ACBD3: variants seen among roughly 807,000 people sequenced by gnomAD.
The protein encoded by ACBD3 is Golgi resident protein GCP60.
In ACBD3, 30 loss-of-function variants were observed where a neutral mutation model predicts 66.9. The observed-to-expected ratio is 0.45, with a 90% CI of 0.34 to 0.61. The LOEUF (loss-of-function observed/expected upper bound fraction) is 0.61. ACBD3 is among the 20% of genes least tolerant of loss of function. The pLI, the probability that ACBD3 is intolerant of heterozygous loss-of-function variation, is 0.02. For missense variants in ACBD3, 544 were observed against 664.5 expected (o/e 0.82, Z 1.99); for synonymous variants, 278 against 259.8 (o/e 1.07, Z -0.68).
chr1:226,150,899 G>A (rs776280416), intron 7 of ACBD3, among the ~76,000 whole-genome samples: 10 of 152,202 alleles, frequency 6.6e-5, no homozygotes, highest in Non-Finnish European at 1.3e-4. Flanking sequence ...TCTGCAAGAT[G>A]TACTGAAATT....
At chr1:226,155,980 G>T (rs1273637605) in intron 5 of ACBD3, among the ~76,000 whole-genome samples, 4 of 152,208 alleles carry the variant, frequency 2.6e-5, no homozygotes, top group Non-Finnish European at 5.9e-5. Context: ...AATATGGACA[G>T]ATACTACTTC....
chr1:226,146,923 G>GA, intron 7 of ACBD3, 102 bp from the exon 8 acceptor site: 2 of 1,146,476 alleles, frequency 1.7e-6, no homozygotes, highest in South Asian at 1.4e-5. Context: ...ACAGAGTCTT[G>GA]CTCTGTCACC....
At chr1:226,153,671 G>A (rs1196172774) in intron 6 of ACBD3, among the ~76,000 whole-genome samples, 1 of 152,202 alleles carries the variant, frequency 6.6e-6, no homozygotes, top group African/African-American at 2.4e-5. Flanking sequence ...ACTAATTGCT[G>A]AATGAACAAA....
At chr1:226,146,921 T>C in intron 7 of ACBD3, 100 bp from the exon 8 acceptor site, 1 of 1,165,728 alleles carries the variant, frequency 8.6e-7, no homozygotes. Flanking sequence ...AGACAGAGTC[T>C]TGCTCTGTCA....
intron 6 of ACBD3, 79 bp from the exon 7 acceptor site, chr1:226,152,698 G>T: frequency 7.2e-7 from 1 of 1,390,790 alleles, no homozygotes; most frequent in Non-Finnish European, 9.8e-7. Context: ...AGCACTACCT[G>T]ATCAGTTGTA....
At chr1:226,168,582 C>A (rs1659917527) in intron 1 of ACBD3, among the ~76,000 whole-genome samples, 1 of 152,148 alleles carries the variant, frequency 6.6e-6, no homozygotes, top group Admixed American at 6.5e-5. Flanking sequence ...TGAGTGTAGT[C>A]CCATAAGATT....
At chr1:226,152,934 G>C (rs916318605) in intron 6 of ACBD3, among the ~76,000 whole-genome samples, 1 of 152,226 alleles carries the variant, frequency 6.6e-6, no homozygotes, top group Admixed American at 6.5e-5. Context: ...GGCCCCAGCT[G>C]GAGTGAGGGA....
intron 1 of ACBD3, among the ~76,000 whole-genome samples, chr1:226,185,536 A>G (rs1485970589): frequency 6.6e-6 from 1 of 152,060 alleles, no homozygotes; most frequent in Non-Finnish European, 1.5e-5. Flanking sequence ...TAAGAATCAA[A>G]CTAACGGGCT....
chr1:226,146,786 C>A lies in ACBD3; in HGVS notation c.1411G>T (p.Ala471Ser). 1 of 1,614,130 alleles carries A rather than the reference C, an allele frequency of 6.2e-7. No homozygotes were observed. The highest frequency in any genetic ancestry group is 8.5e-7 in the Non-Finnish European group (1 of 1,180,034). Reference protein sequence around the residue: ...IGCEEKAKKNANKPLLDEIVP... With the variant: ...IGCEEKAKKNSNKPLLDEIVP... The stretch of plus-strand genomic sequence containing the variant: ...ATCTCATCCAGCAAAGGCTTGTTGG[C>A]ATTCTTTTTGGCTTTCTCTTCACAA... The change falls in exon 8 of 8, where the codon GCC becomes TCC. Residue 471 changes from alanine to serine, a missense_variant. Around this residue, in one of 3 missense-constraint regions of ACBD3, gnomAD observed 383 missense variants for 462.4 expected, o/e 0.83. Transcript: ENST00000366812.
At chr1:226,186,291 G>A in intron 1 of ACBD3, 99 bp downstream of exon 1, 1 of 1,355,242 alleles carries the variant, frequency 7.4e-7, no homozygotes, top group Non-Finnish European at 9.6e-7. Context: ...AGTATGAGTG[G>A]GTGAGGGCAA....
At position 226,180,226 on chromosome 1, in the gene ACBD3, A is replaced by G. The variant is rs1233684532; in HGVS notation, c.286+6164T>C. ...ATGCAGTATTCCTAAATCAATGAGT[A>G]GGAAACACTCTGGGAATTGCCTAGC... On this transcript the variant is annotated intron_variant, in intron 1 of 7. Transcript: ENST00000366812. Among the ~76,000 whole-genome samples, 3 of 151,942 alleles carry G rather than the reference A, an allele frequency of 2.0e-5. 1 individual carries two copies. Among genetic ancestry groups the G allele is most frequent in the Non-Finnish European group, 4.4e-5 (3 of 67,976 alleles).
intron 5 of ACBD3, 121 bp from the exon 6 acceptor site, chr1:226,154,954 C>G (rs1294570892): frequency 1.5e-6 from 1 of 689,508 alleles, no homozygotes; most frequent in Non-Finnish European, 2.1e-6. Flanking sequence ...CAAGAAATTA[C>G]TAATAAATTT....
chr1:226,177,514 C>G (rs1184838660), intron 1 of ACBD3, among the ~76,000 whole-genome samples: 1 of 151,678 alleles, frequency 6.6e-6, no homozygotes, highest in East Asian at 1.9e-4. Flanking sequence ...CTGTTTTTGA[C>G]AGTACCATTG....
chr1:226,186,517 G>A lies in ACBD3; in HGVS notation c.159C>T (p.Ala53=). 1 of 1,408,244 alleles carries A rather than the reference G, an allele frequency of 7.1e-7. No individual in the cohort carries two copies. Among genetic ancestry groups the A allele is most frequent in the African/African-American group, 1.5e-5 (1 of 66,400 alleles). 87.2% of individuals were successfully genotyped at this position (1,408,244 alleles called of 1,614,324 possible). ...CCCCGGGCTCGGGCTGCTCCCCTGA[G>A]GCGCCCGGGCCGCGACCGGATCCAG... ...SPPGSGRGPG[A]SGEQPEPGEA... The change falls in exon 1 of 8, where the codon GCC becomes GCT. Residue 53 remains alanine (A), a synonymous_variant. Coordinates refer to ENST00000366812, the MANE Select transcript of ACBD3 (RefSeq NM_022735.4).
intron 1 of ACBD3, 108 bp downstream of exon 1, chr1:226,186,282 G>A: frequency 1.5e-6 from 2 of 1,324,624 alleles, no homozygotes; most frequent in Non-Finnish European, 2.0e-6. Flanking sequence ...CCACAGCCCA[G>A]TATGAGTGGG....
chr1:226,177,469 T>C (rs1656068384), intron 1 of ACBD3, among the ~76,000 whole-genome samples: 1 of 151,948 alleles, frequency 6.6e-6, no homozygotes, highest in Admixed American at 6.6e-5. Context: ...GTGCTGGGAT[T>C]ACAGGTATGA....
intron 1 of ACBD3, among the ~76,000 whole-genome samples, chr1:226,175,005 G>A (rs1054887351): frequency 7.0e-6 from 1 of 142,106 alleles, no homozygotes; most frequent in African/African-American, 2.6e-5. Flanking sequence ...TGAGACAGGA[G>A]AATCGCTTGA....
chr1:226,165,604 T>G (rs1228232807), intron 2 of ACBD3, among the ~76,000 whole-genome samples: 3 of 152,226 alleles, frequency 2.0e-5, no homozygotes, highest in African/African-American at 7.2e-5. Flanking sequence ...TTTAATATTA[T>G]TTGGGAAGAA....
rs574717569 is a variant in ACBD3, at chr1:226,161,801, T to C, written c.570-112A>G. ...CTTTTTAGAGAACAATGTGGATATATACATCAAAATTTAAAATACATACAC... is the reference window on the plus strand; with the variant it reads ...CTTTTTAGAGAACAATGTGGATATACACATCAAAATTTAAAATACATACAC... On this transcript the variant is annotated intron_variant, in intron 3 of 7. Coordinates refer to ENST00000366812, the MANE Select transcript of ACBD3 (RefSeq NM_022735.4). 153 of 1,257,048 alleles carry C rather than the reference T, an allele frequency of 1.2e-4. 3 individuals are homozygous for C. The South Asian group carries it at 2.0e-3, about 16-fold the overall frequency. The allele number at this position is 1,257,048 out of a possible 1,614,324, so 77.9% of individuals were successfully genotyped here.
Sources: gnomAD v4.1 joint callset for allele counts (sites outside exome capture counted in the v4.1 genomes callset) on GRCh38, gnomAD v4.1.1 for gene constraint, gnomAD v4.1.1 regional missense constraint, MANE v1.5 for transcripts, NCBI Gene and HGNC (gene_info 2026-07-23, HGNC 2026-07-21) for gene names.